Variants in CADPS2 observed in about 807,000 individuals in gnomAD.
CADPS2 encodes the protein calcium dependent secretion activator 2.
A neutral mutation model predicts 172.5 loss-of-function variants in CADPS2; 93 were observed. That is an observed-to-expected ratio of 0.54 (90% CI 0.46 to 0.64). The LOEUF is 0.64. Ranked by LOEUF, CADPS2 falls within the 30% of genes least tolerant of loss-of-function variation. The probability of loss-of-function intolerance (pLI) is 0.00; values close to 1 mark genes in which losing one functional copy is unlikely to be tolerated. For missense variants in CADPS2, 1,420 were observed against 1,565.9 expected (o/e 0.91, Z 1.57); for synonymous variants, 546 against 555.2 (o/e 0.98, Z 0.23).
intron 2 of CADPS2, chr7:122,697,650 G>A (rs1389406611): frequency 2.8e-6 from 2 of 704,442 alleles, no homozygotes; most frequent in Admixed American, 3.0e-5. Context: ...TATCTTTGAG[G>A]TTGGACAAAG....
chr7:122,515,309 A>G (rs1179110109), intron 8 of CADPS2, among the ~76,000 whole-genome samples: 1 of 151,728 alleles, frequency 6.6e-6, no homozygotes. Context: ...GGACCCCTTA[A>G]AACCCTTTGC....
chr7:122,631,236 T>A (rs934417617), intron 3 of CADPS2, among the ~76,000 whole-genome samples: 1 of 152,184 alleles, frequency 6.6e-6, no homozygotes, highest in Non-Finnish European at 1.5e-5. Context: ...TACTTGCATA[T>A]AAAGAAATTA....
intron 27 of CADPS2, among the ~76,000 whole-genome samples, chr7:122,360,040 T>C (rs1280816967): frequency 6.6e-6 from 1 of 152,202 alleles, no homozygotes; most frequent in Non-Finnish European, 1.5e-5. Flanking sequence ...CATCTAGTCT[T>C]AAATCTTAAT....
intron 9 of CADPS2, among the ~76,000 whole-genome samples, chr7:122,502,615 G>T (rs527237270): frequency 3.3e-5 from 5 of 152,018 alleles, no homozygotes; most frequent in African/African-American, 1.2e-4. Context: ...TAGAGGTTAG[G>T]ATTCACATTT....
intron 24 of CADPS2, among the ~76,000 whole-genome samples, chr7:122,382,743 T>A (rs1480755500): frequency 6.6e-6 from 1 of 151,956 alleles, no homozygotes; most frequent in Non-Finnish European, 1.5e-5. Context: ...CGCCTGAGCC[T>A]GAGTTCAAGG....
intron 20 of CADPS2, among the ~76,000 whole-genome samples, chr7:122,399,828 A>G (rs959411391): frequency 3.0e-4 from 45 of 149,672 alleles, no homozygotes; most frequent in African/African-American, 5.6e-4. Context: ...CTGGGACTAC[A>G]GGCGCCCGCC....
chr7:122,615,575 A>G (rs2074809310), intron 5 of CADPS2, among the ~76,000 whole-genome samples: 2 of 152,194 alleles, frequency 1.3e-5, no homozygotes, highest in Admixed American at 6.5e-5. Flanking sequence ...GCCATAGTGA[A>G]TTAAATGAAA....
At chr7:122,705,604 T>C (rs2086920539) in intron 2 of CADPS2, among the ~76,000 whole-genome samples, 1 of 107,648 alleles carries the variant, frequency 9.3e-6, no homozygotes, top group Non-Finnish European at 1.7e-5. Flanking sequence ...ATTTTATATA[T>C]TATATAACAT....
At chr7:122,615,798 CTAT>C (rs2074841348) in intron 5 of CADPS2, among the ~76,000 whole-genome samples, 1 of 151,880 alleles carries the variant, frequency 6.6e-6, no homozygotes, top group African/African-American at 2.4e-5. Flanking sequence ...TTTGAGATTA[CTAT>C]TATTGTCTGT....
At chr7:122,333,158 T>C (rs1585066811) in intron 28 of CADPS2, among the ~76,000 whole-genome samples, 1 of 152,240 alleles carries the variant, frequency 6.6e-6, no homozygotes, top group Admixed American at 6.5e-5. Context: ...TTAGGCAATA[T>C]GAAATTTTCA....
chr7:122,627,560 C>G (rs951959361), intron 4 of CADPS2, among the ~76,000 whole-genome samples: 3 of 152,150 alleles, frequency 2.0e-5, no homozygotes, highest in African/African-American at 7.2e-5. Context: ...TCTGACTCAG[C>G]CCAGGAGTTT....
chr7:122,334,446 G>A lies in CADPS2; in HGVS notation c.3613-8865C>T, dbSNP rs752472088. 2.3e-4 allele frequency among the ~76,000 whole-genome samples: 35 copies of A among 152,190 alleles called. 1 individual carries two copies. Among genetic ancestry groups the A allele is most frequent in the Non-Finnish European group, 1.6e-4 (11 of 68,036 alleles). On this transcript the variant is annotated intron_variant, in intron 28 of 29. Coordinates refer to ENST00000449022, the MANE Select transcript of CADPS2 (RefSeq NM_017954.11). ...GTTCTACACTTGTTGGCTTCGTTGAGCTGTTTTTAAAGAAAGGCAGAAAAA... is the reference window on the plus strand; with the variant it reads ...GTTCTACACTTGTTGGCTTCGTTGAACTGTTTTTAAAGAAAGGCAGAAAAA...
At chr7:122,393,098 A>G in intron 22 of CADPS2, 98 bp downstream of exon 22, 1 of 1,365,826 alleles carries the variant, frequency 7.3e-7, no homozygotes, top group East Asian at 2.4e-5. Flanking sequence ...TCAACCAACG[A>G]TGACAAATGC....
At chr7:122,429,155 A>C (rs1225241672) in intron 17 of CADPS2, among the ~76,000 whole-genome samples, 1 of 152,028 alleles carries the variant, frequency 6.6e-6, no homozygotes, top group African/African-American at 2.4e-5. Flanking sequence ...TCTGATGAGA[A>C]GGGTGATATT....
At chr7:122,474,640 T>G (rs192489872) in intron 12 of CADPS2, 123 bp from the exon 13 acceptor site, 35 of 900,894 alleles carry the variant, frequency 3.9e-5, no homozygotes, top group Admixed American at 1.3e-4. Context: ...ACATGAAATA[T>G]GATGCCAAGA....
intron 20 of CADPS2, among the ~76,000 whole-genome samples, chr7:122,397,818 C>T (rs956977280): frequency 6.6e-6 from 1 of 152,114 alleles, no homozygotes; most frequent in Non-Finnish European, 1.5e-5. Flanking sequence ...GTTCTTAATG[C>T]GGCCACATCC....
At position 122,837,619 on chromosome 7, in the gene CADPS2, T is replaced by C. The variant is rs539475894; in HGVS notation, c.339+48380A>G. Among the ~76,000 whole-genome samples the C allele has an allele frequency of 5.6e-4, 86 of 152,214 alleles. No individual in the cohort carries two copies. In the South Asian group the frequency reaches 0.018, roughly 32 times the overall value. ...GATATCACCACCGATCCCACAGAAA[T>C]ACAAACTACCATCAGAGAATACTAT... On this transcript the variant is annotated intron_variant, in intron 1 of 29. Transcript: ENST00000449022.
chr7:122,499,060 C>T (rs980093329), intron 9 of CADPS2, among the ~76,000 whole-genome samples: 3 of 152,164 alleles, frequency 2.0e-5, no homozygotes, highest in African/African-American at 7.2e-5. Flanking sequence ...AGGTATTTCC[C>T]TTATATTTAA....
At chr7:122,540,135 A>G (rs1239438204) in intron 8 of CADPS2, among the ~76,000 whole-genome samples, 1 of 152,128 alleles carries the variant, frequency 6.6e-6, no homozygotes, top group Non-Finnish European at 1.5e-5. Context: ...TGACTACATT[A>G]CAAGTTTCCA....
Sources: gnomAD v4.1 joint callset for allele counts (sites outside exome capture counted in the v4.1 genomes callset) on GRCh38, gnomAD v4.1.1 for gene constraint, MANE v1.5 for transcripts, NCBI Gene and HGNC (gene_info 2026-07-23, HGNC 2026-07-21) for gene names.